TULP3: variants seen among roughly 807,000 people sequenced by gnomAD.
TULP3 encodes TUB like protein 3.
In TULP3, 38 loss-of-function variants were observed where a neutral mutation model predicts 50.7. The ratio of observed to expected loss-of-function variants is 0.75; its 90% CI spans 0.58 to 0.98. TULP3 has a LOEUF of 0.98. Among genes scored for constraint, TULP3 ranks in the 50% least tolerant of loss-of-function variants. TULP3 has a pLI of 0.00. For synonymous variants in TULP3, 183 were observed against 196.6 expected (o/e 0.93, Z 0.58); for missense variants, 550 against 568.0 (o/e 0.97, Z 0.32).
intron 4 of TULP3, among the ~76,000 whole-genome samples, chr12:2,922,840 C>A (rs2098192542): frequency 6.8e-6 from 1 of 147,848 alleles, no homozygotes; most frequent in Admixed American, 6.9e-5. Flanking sequence ...GTCTTCTTTC[C>A]TTTTTAGAAA....
chr12:2,921,021 G>A, intron 3 of TULP3, 99 bp downstream of exon 3: 1 of 1,374,572 alleles, frequency 7.3e-7, no homozygotes, highest in Non-Finnish European at 1.0e-6. Flanking sequence ...AATATTATTA[G>A]CACCATTACT....
intron 2 of TULP3, among the ~76,000 whole-genome samples, chr12:2,912,401 A>G (rs1291290750): frequency 6.6e-6 from 1 of 152,194 alleles, no homozygotes; most frequent in Non-Finnish European, 1.5e-5. Flanking sequence ...AGTCCAGAGT[A>G]GGCCAGCCTG....
At chr12:2,897,698 G>T (rs1267696283) in intron 1 of TULP3, among the ~76,000 whole-genome samples, 1 of 148,634 alleles carries the variant, frequency 6.7e-6, no homozygotes, top group African/African-American at 2.5e-5. Context: ...GGCCTCAAGT[G>T]ATTCTCCCAC....
chr12:2,922,697 T>G (rs1358580992), intron 4 of TULP3, among the ~76,000 whole-genome samples: 1 of 152,194 alleles, frequency 6.6e-6, no homozygotes. Context: ...TCCCACCCTC[T>G]TCTTCTGACA....
At chr12:2,937,342 G>A (rs368287750) in intron 8 of TULP3, among the ~76,000 whole-genome samples, 1 of 145,198 alleles carries the variant, frequency 6.9e-6, no homozygotes, top group African/African-American at 2.5e-5. Context: ...TCAGCCTCCC[G>A]AGTAGCTGGG....
At chr12:2,905,010 G>A (rs373026152) in intron 1 of TULP3, among the ~76,000 whole-genome samples, 7 of 150,894 alleles carry the variant, frequency 4.6e-5, no homozygotes, top group African/African-American at 1.5e-4. Flanking sequence ...GCTTGAATCC[G>A]GGAGGTGGAG....
chr12:2,903,242 G>C (rs371119812), intron 1 of TULP3, among the ~76,000 whole-genome samples: 91 of 152,062 alleles, frequency 6.0e-4, no homozygotes, highest in Middle Eastern at 6.8e-3. Flanking sequence ...TTTTCTCTTT[G>C]AAAATGTATA....
At chr12:2,913,897 C>T (rs1224510152) in intron 2 of TULP3, among the ~76,000 whole-genome samples, 1 of 152,202 alleles carries the variant, frequency 6.6e-6, no homozygotes, top group Non-Finnish European at 1.5e-5. Context: ...GCATGAGCCA[C>T]TGTGCCCGGC....
intron 1 of TULP3, among the ~76,000 whole-genome samples, chr12:2,895,746 G>A (rs1053114991): frequency 3.3e-5 from 5 of 152,098 alleles, no homozygotes; most frequent in African/African-American, 9.7e-5. Flanking sequence ...TGTCATTAGT[G>A]GATTTTGTTG....
intron 2 of TULP3, 113 bp downstream of exon 2, chr12:2,909,693 AG>A: frequency 8.8e-7 from 1 of 1,132,444 alleles, no homozygotes; most frequent in Non-Finnish European, 1.3e-6. Flanking sequence ...GGAAAGGAGA[AG>A]GCTCGGGTGG....
At chr12:2,894,303 G>C (rs1183753417) in intron 1 of TULP3, among the ~76,000 whole-genome samples, 1 of 134,526 alleles carries the variant, frequency 7.4e-6, no homozygotes, top group Non-Finnish European at 1.6e-5. Context: ...GGCGGGGCGG[G>C]GGGGGGGAAA....
At chr12:2,903,793 G>GTTTT (rs1368146378) in intron 1 of TULP3, among the ~76,000 whole-genome samples, 1 of 151,442 alleles carries the variant, frequency 6.6e-6, no homozygotes, top group East Asian at 2.0e-4. Flanking sequence ...TTGTTTGTTT[G>GTTTT]TTTTGAGATG....
At chr12:2,937,086 C>T (rs1346205530) in intron 8 of TULP3, among the ~76,000 whole-genome samples, 1 of 146,650 alleles carries the variant, frequency 6.8e-6, no homozygotes, top group Non-Finnish European at 1.5e-5. Context: ...AGCCTGGCGA[C>T]AGAGCGTGAC....
chr12:2,932,945 T>G (rs1565508037), intron 6 of TULP3, among the ~76,000 whole-genome samples: 1 of 151,266 alleles, frequency 6.6e-6, no homozygotes, highest in Admixed American at 6.6e-5. Flanking sequence ...TTATTTTTAT[T>G]TTTTATTTTT....
intron 2 of TULP3, among the ~76,000 whole-genome samples, chr12:2,918,801 A>G (rs1187895730): frequency 6.6e-6 from 1 of 152,136 alleles, no homozygotes; most frequent in Non-Finnish European, 1.5e-5. Context: ...CAGCCTCCCA[A>G]AGTGCTGGGA....
chr12:2,912,127 A>G (rs909686647), intron 2 of TULP3, among the ~76,000 whole-genome samples: 1 of 152,186 alleles, frequency 6.6e-6, no homozygotes, highest in African/African-American at 2.4e-5. Flanking sequence ...TAATGAAGAA[A>G]ACATTGGGCT....
At chr12:2,913,001 C>T (rs1268852751) in intron 2 of TULP3, among the ~76,000 whole-genome samples, 1 of 149,306 alleles carries the variant, frequency 6.7e-6, no homozygotes. Flanking sequence ...TTGAGACAGT[C>T]TCCCTCTGTC....
rs571417093 is a variant in TULP3, at chr12:2,922,205, C to T, written c.254-57C>T. On this transcript the variant is annotated intron_variant, in intron 3 of 10. Transcript: ENST00000448120. ...TCTGATCACATATGCCAAATCTACC[C>T]AACTAGTGAATAATACTTTGCTCCT... The T allele has an allele frequency of 1.3e-5, 20 of 1,573,530 alleles. No individual in the cohort carries two copies. The African/African-American group carries it at 1.6e-4, about 13-fold the overall frequency.
chr12:2,940,857 C>A lies in TULP3; in HGVS notation c.*1413C>A. 1 of 816,254 alleles carries A rather than the reference C, an allele frequency of 1.2e-6. No homozygotes were observed. The highest frequency in any genetic ancestry group is 2.9e-5 in the Admixed American group (1 of 34,474). The allele number at this position is 816,254 out of a possible 1,614,324, so 50.6% of individuals were successfully genotyped here. A position where few individuals can be genotyped will look rare whatever the true frequency, so the allele number is the denominator to read the frequency against. On this transcript the variant is annotated 3_prime_UTR_variant, in exon 11 of 11. Coordinates refer to ENST00000448120, the MANE Select transcript of TULP3 (RefSeq NM_003324.5). ...CAAGTGCCTCCCTCACAGCCATGCC[C>A]AGAAGCCTCACACCTCGTCACCACC... is the stretch of plus-strand genomic sequence containing the variant.
Sources: gnomAD v4.1 joint callset for allele counts (sites outside exome capture counted in the v4.1 genomes callset) on GRCh38, gnomAD v4.1.1 for gene constraint, MANE v1.5 for transcripts, NCBI Gene and HGNC (gene_info 2026-07-23, HGNC 2026-07-21) for gene names.